The following RGL1 variants were observed in gnomAD, a reference collection of about 807,000 sequenced individuals.
RGL1 encodes ral guanine nucleotide dissociation stimulator-like 1.
In RGL1, 24 loss-of-function variants were observed where a neutral mutation model predicts 95.2. The observed-to-expected ratio is 0.25, with a 90% CI of 0.18 to 0.35. RGL1 has a LOEUF of 0.35. Among genes scored for constraint, RGL1 ranks in the 10% least tolerant of loss-of-function variants. The pLI is 1.00. For missense variants in RGL1, 715 were observed against 936.3 expected (o/e 0.76, Z 3.08); for synonymous variants, 329 against 344.9 (o/e 0.95, Z 0.51).
intron 4 of RGL1, among the ~76,000 whole-genome samples, chr1:183,866,667 T>C (rs950907987): frequency 6.6e-6 from 1 of 152,120 alleles, no homozygotes; most frequent in African/African-American, 2.4e-5. Flanking sequence ...TCATAGCAAC[T>C]TGGGGAAAGA....
At chr1:183,860,683 C>G (rs1298447582) in intron 3 of RGL1, among the ~76,000 whole-genome samples, 1 of 152,182 alleles carries the variant, frequency 6.6e-6, no homozygotes, top group African/African-American at 2.4e-5. Context: ...TATACCAGGT[C>G]ACCCTGACCT....
chr1:183,705,856 G>T (rs1654881278), intron 1 of RGL1, among the ~76,000 whole-genome samples: 1 of 152,180 alleles, frequency 6.6e-6, no homozygotes, highest in African/African-American at 2.4e-5. Flanking sequence ...GTAGGTGACT[G>T]ACAAGGAGGT....
chr1:183,655,943 A>G (rs989192273), intron 1 of RGL1, among the ~76,000 whole-genome samples: 3 of 152,170 alleles, frequency 2.0e-5, no homozygotes, highest in Admixed American at 6.5e-5. Flanking sequence ...TTTCCAAACC[A>G]TATGTTAAAC....
At chr1:183,675,888 G>A (rs2102064395) in intron 1 of RGL1, among the ~76,000 whole-genome samples, 1 of 152,324 alleles carries the variant, frequency 6.6e-6, no homozygotes, top group East Asian at 1.9e-4. Flanking sequence ...GCTCATGCCT[G>A]TGATCCCAGT....
intron 2 of RGL1, among the ~76,000 whole-genome samples, chr1:183,797,133 C>T (rs1236708078): frequency 1.3e-5 from 2 of 151,880 alleles, no homozygotes; most frequent in African/African-American, 4.8e-5. Flanking sequence ...AGTTTGAGAC[C>T]AGCCTGGCCA....
chr1:183,685,639 G>C lies in RGL1; in HGVS notation c.-33+49138G>C, dbSNP rs181410528. Among the ~76,000 whole-genome samples, 304 of 152,246 alleles carry C rather than the reference G, an allele frequency of 2.0e-3. 1 individual carries two copies. The highest frequency in any genetic ancestry group is 7.0e-3 in the African/African-American group (289 of 41,554). ...CAGCTCTAATGTGTAATAAAACCTA[G>C]TATTATAGGTTAAATTGGATATATC... On this transcript the variant is annotated intron_variant, in intron 1 of 18. Coordinates refer to the RGL1 transcript ENST00000304685.
chr1:183,685,965 C>T lies in RGL1; in HGVS notation c.-33+49464C>T, dbSNP rs562970793. Among the ~76,000 whole-genome samples the T allele has an allele frequency of 7.2e-5, 11 of 152,240 alleles. No homozygotes were observed. The East Asian group carries it at 1.9e-3, about 27-fold the overall frequency. ...CCAGCACCTTGCAAAAATATTTATT[C>T]AATTCATATTTTGCTTTTTACGTTA... On this transcript the variant is annotated intron_variant, in intron 1 of 18. Transcript: ENST00000304685.
chr1:183,643,586 C>A (rs1258458559), intron 1 of RGL1, among the ~76,000 whole-genome samples: 1 of 151,944 alleles, frequency 6.6e-6, no homozygotes, highest in Non-Finnish European at 1.5e-5. Context: ...CCACCGCGCC[C>A]GGCCCGAGGT....
intron 15 of RGL1, 78 bp downstream of exon 15, chr1:183,912,346 GT>G: frequency 1.7e-6 from 2 of 1,170,878 alleles, no homozygotes; most frequent in Non-Finnish European, 2.4e-6. Context: ...AGGAATGTCT[GT>G]TTTTAAGTGG....
At chr1:183,684,066 C>G (rs1653399945) in intron 1 of RGL1, among the ~76,000 whole-genome samples, 1 of 152,148 alleles carries the variant, frequency 6.6e-6, no homozygotes, top group South Asian at 2.1e-4. Context: ...AGCAATTCCT[C>G]TAACCTTTTT....
intron 2 of RGL1, among the ~76,000 whole-genome samples, chr1:183,823,368 TTTTTAA>T (rs56735819): frequency 0.019 from 2,834 of 152,312 alleles, 80 homozygotes; most frequent in African/African-American, 0.061. Context: ...AAAATATTTA[TTTTTAA>T]TTTTATTAGT....
intron 4 of RGL1, among the ~76,000 whole-genome samples, chr1:183,870,578 G>T (rs1666123614): frequency 6.6e-6 from 1 of 152,170 alleles, no homozygotes; most frequent in Non-Finnish European, 1.5e-5. Flanking sequence ...CTTGAGCTTT[G>T]GGACTGGGCC....
At chr1:183,785,194 A>G (rs913815476) in intron 2 of RGL1, among the ~76,000 whole-genome samples, 1 of 152,166 alleles carries the variant, frequency 6.6e-6, no homozygotes. Flanking sequence ...ATTCCTTAGC[A>G]TGGCCCCCAC....
At chr1:183,869,938 TG>T (rs2102605075) in intron 4 of RGL1, among the ~76,000 whole-genome samples, 1 of 152,334 alleles carries the variant, frequency 6.6e-6, no homozygotes, top group East Asian at 1.9e-4. Context: ...AGAGGACATT[TG>T]CCAATGCCCT....
chr1:183,655,209 A>G (rs866435663), intron 1 of RGL1, among the ~76,000 whole-genome samples: 18 of 152,372 alleles, frequency 1.2e-4, no homozygotes, highest in South Asian at 6.2e-4. Context: ...ACATTTACTC[A>G]GTTTGGCACT....
chr1:183,790,069 C>T (rs71632195), intron 2 of RGL1, among the ~76,000 whole-genome samples: 4 of 151,598 alleles, frequency 2.6e-5, no homozygotes, highest in East Asian at 2.0e-4. Context: ...TACAGGCACC[C>T]GCCACCACAC....
intron 2 of RGL1, among the ~76,000 whole-genome samples, chr1:183,767,228 CAAAA>C (rs11300092): frequency 7.8e-5 from 8 of 102,298 alleles, no homozygotes; most frequent in Admixed American, 3.0e-4. Context: ...GACCCTGTCT[CAAAA>C]AAAAAAAAAA....
At chr1:183,806,038 A>T (rs1661313870) in intron 1 of RGL1, among the ~76,000 whole-genome samples, 1 of 109,708 alleles carries the variant, frequency 9.1e-6, no homozygotes, top group Non-Finnish European at 1.7e-5. Flanking sequence ...CCTTTCACTT[A>T]AGGGGGACAA....
chr1:183,683,850 G>A (rs981661954), intron 1 of RGL1, among the ~76,000 whole-genome samples: 1 of 152,130 alleles, frequency 6.6e-6, no homozygotes, highest in African/African-American at 2.4e-5. Context: ...ATTTCTTGGA[G>A]GCTTTGTCTG....
Sources: gnomAD v4.1 joint callset for allele counts (sites outside exome capture counted in the v4.1 genomes callset) on GRCh38, gnomAD v4.1.1 for gene constraint, MANE v1.5 for transcripts, NCBI Gene and HGNC (gene_info 2026-07-23, HGNC 2026-07-21) for gene names.